NEB: variants seen among roughly 807,000 people sequenced by gnomAD.
NEB encodes nemaline myopathy type 2.
Under a neutral mutation model 952.2 loss-of-function variants are expected in NEB, and 512 were observed. The observed-to-expected ratio is 0.54, with a 90% CI of 0.50 to 0.58. The LOEUF (loss-of-function observed/expected upper bound fraction) is 0.58. NEB is among the 20% of genes least tolerant of loss of function. NEB has a pLI of 0.00. For missense variants in NEB, 8,428 were observed against 9,231.1 expected (o/e 0.91, Z 3.56); for synonymous variants, 2,900 against 3,149.8 (o/e 0.92, Z 2.66).
intron 127 of NEB, among the ~76,000 whole-genome samples, chr2:151,553,110 A>G (rs2095433195): frequency 6.6e-6 from 1 of 152,242 alleles, no homozygotes; most frequent in Admixed American, 6.5e-5. Context: ...ACACTTTCCT[A>G]AAATGACAAT....
Position 151,553,414 on chromosome 2 carries a change from TAA to T in NEB, c.19713_19714del (p.Tyr6572Ter). On this transcript the variant is annotated frameshift_variant, in exon 127 of 182. Coordinates refer to ENST00000397345, the MANE Select transcript of NEB (RefSeq NM_001164508.2). LOFTEE classifies it high-confidence loss of function. Reference sequence around the variant, plus strand: ...CAAACTCACATCATCACGTAGATCATAAGCATGCTTGGCATGGAGGATTTCAG... The same window carrying T: ...CAAACTCACATCATCACGTAGATCATGCATGCTTGGCATGGAGGATTTCAG... 6.2e-7 allele frequency: 1 copy of T among 1,612,878 alleles called. No individual in the cohort carries two copies. Among genetic ancestry groups the T allele is most frequent in the African/African-American group, 1.3e-5 (1 of 75,018 alleles).
rs111610504 is a variant in NEB at position 151,708,706 on chromosome 2, G to A, written c.1035+950C>T. ...GTCGACTGACCTCTGACACTTCCAT[G>A]TGGATGTCTAAAAGGCATCTCAAAT... On this transcript the variant is annotated intron_variant, in intron 12 of 181. Coordinates refer to ENST00000397345, the MANE Select transcript of NEB (RefSeq NM_001164508.2). Among the ~76,000 whole-genome samples, 464 of 152,300 alleles carry A rather than the reference G, an allele frequency of 3.0e-3. 2 individuals carry two copies. Among genetic ancestry groups the A allele is most frequent in the African/African-American group, 0.01 (433 of 41,576 alleles).
intron 150 of NEB, 110 bp downstream of exon 150, chr2:151,525,848 G>A: frequency 1.2e-6 from 1 of 836,134 alleles, no homozygotes. Context: ...AGATATTGAT[G>A]GTAAGAGTGA....
intron 29 of NEB, among the ~76,000 whole-genome samples, chr2:151,682,374 T>C (rs2099423127): frequency 6.6e-6 from 1 of 152,246 alleles, no homozygotes; most frequent in African/African-American, 2.4e-5. Context: ...TTGTTAAAAA[T>C]ATTTCTATAA....
chr2:151,721,703 G>A (rs2099774650), intron 9 of NEB, among the ~76,000 whole-genome samples: 1 of 152,176 alleles, frequency 6.6e-6, no homozygotes. Context: ...TATCCTGCCA[G>A]GTGTGCATGC....
At chr2:151,545,100 G>C (rs1233202382) in intron 135 of NEB, among the ~76,000 whole-genome samples, 3 of 152,202 alleles carry the variant, frequency 2.0e-5, no homozygotes, top group Non-Finnish European at 4.4e-5. Context: ...AATATATCAG[G>C]AGCCTCAATG....
At position 151,533,279 on chromosome 2, in the gene NEB, T is replaced by G. The variant is rs2092229948; in HGVS notation, c.21417+163A>C. ...CGGATGACCACTGTCCCATCACCTTTGGCCACATTCAGAGATCATTTACAA... is the reference window on the plus strand; with the variant it reads ...CGGATGACCACTGTCCCATCACCTTGGGCCACATTCAGAGATCATTTACAA... On this transcript the variant is annotated intron_variant, in intron 143 of 181. Transcript: ENST00000397345. 2.0e-5 allele frequency among the ~76,000 whole-genome samples: 3 copies of G among 152,236 alleles called. No individual in the cohort carries two copies. The South Asian group carries it at 6.2e-4, about 31-fold the overall frequency.
intron 48 of NEB, among the ~76,000 whole-genome samples, chr2:151,656,822 A>T (rs2099090204): frequency 6.6e-6 from 1 of 150,422 alleles, no homozygotes; most frequent in African/African-American, 2.5e-5. Flanking sequence ...AGAGGCCTTT[A>T]GTAGGTAAAA....
rs1407944346 is a variant in NEB, at chr2:151,576,146, C to T, written c.16908+5G>A. On this transcript the variant is annotated splice_donor_5th_base_variant and intron_variant, in intron 106 of 181. Coordinates refer to ENST00000397345, the MANE Select transcript of NEB (RefSeq NM_001164508.2). ...TTCAATTTTAATAGAGAAAAACTAA[C>T]TCACAATACTAATATTTTCAGCATT... 2 of 1,574,582 alleles carry T rather than the reference C, an allele frequency of 1.3e-6. No individual in the cohort carries two copies. The highest frequency in any genetic ancestry group is 1.7e-6 in the Non-Finnish European group (2 of 1,154,570).
intron 9 of NEB, among the ~76,000 whole-genome samples, chr2:151,719,388 A>C (rs2099768053): frequency 6.6e-6 from 1 of 152,180 alleles, no homozygotes; most frequent in South Asian, 2.1e-4. Context: ...CAGTGTTCTT[A>C]TTTATCAAGT....
In NEB at chr2:151,551,821, G is replaced by A. The variant is rs1559832482; in HGVS notation, c.19861C>T (p.His6621Tyr). 11 of 1,613,000 alleles carry A rather than the reference G, an allele frequency of 6.8e-6. No individual in the cohort carries two copies. The highest frequency in any genetic ancestry group is 1.7e-5 in the Admixed American group (1 of 59,918). ...SDAVYHYDYV[H>Y]SVRGKVAPTT... is the part of the protein sequence containing the mutation. ...GGAGCCACTTTGCCTCTGACACTGT[G>A]CACATAGTCATAGTGGTAGACAGCC... The change falls in exon 129 of 182, where the codon CAC (histidine) becomes TAC (tyrosine). Residue 6621 changes from histidine (H) to tyrosine (Y), a missense_variant. Around this residue, in one of 11 missense-constraint regions of NEB, gnomAD observed 3,374 missense variants for 3,651.5 expected, o/e 0.92. Transcript: ENST00000397345.
Position 151,617,418 on chromosome 2 carries a change from C to T in NEB, c.11127G>A (p.Met3709Ile), listed in dbSNP as rs1443216063. The T allele has an allele frequency of 1.3e-6, 2 of 1,562,142 alleles. No individual in the cohort carries two copies. ...CTAACATGATTTCTGGTGTATCAGG[C>T]ATGACATGAATAGTTTTCTTGTCAT... is the stretch of plus-strand genomic sequence containing the variant. ...WDNDKKTIHV[M>I]PDTPEIMLAK... The change falls in exon 75 of 182, where the codon ATG becomes ATA. Residue 3709 changes from methionine (M) to isoleucine (I), a missense_variant. Met to Ile is a conservative substitution (Grantham distance 10). Transcript: ENST00000397345.
chr2:151,510,854 T>C (rs1482195031), intron 161 of NEB, among the ~76,000 whole-genome samples: 2 of 152,248 alleles, frequency 1.3e-5, no homozygotes, highest in South Asian at 2.1e-4. Context: ...TGAGTCAGCT[T>C]ACATTGCTTG....
chr2:151,665,383 C>T lies in NEB; in HGVS notation c.5188G>A (p.Asp1730Asn). 6.2e-7 allele frequency: 1 copy of T among 1,613,670 alleles called. No homozygotes were observed. The highest frequency in any genetic ancestry group is 2.2e-5 in the East Asian group (1 of 44,870). The change falls in exon 42 of 182, where the codon GAC becomes AAC. Residue 1730 changes from aspartate to asparagine, a missense_variant. By Grantham distance (23) the Asp-to-Asn change is conservative. This residue lies in a region of NEB where 2,851 missense variants were observed against 2,791.5 expected (regional missense o/e 1.02). Coordinates refer to ENST00000397345, the MANE Select transcript of NEB (RefSeq NM_001164508.2). ...PEKLKFTYAM[D>N]TMEQALNKSN... ...TTGTTAAGTGCCTGTTCCATTGTGT[C>T]CATGGCGTAAGTGAACTTCAGCTTC... is the stretch of plus-strand genomic sequence containing the variant.
chr2:151,663,496 A>C, intron 45 of NEB, 52 bp downstream of exon 45: 1 of 1,509,580 alleles, frequency 6.6e-7, no homozygotes, highest in Non-Finnish European at 9.0e-7. Flanking sequence ...ATGGTCACTC[A>C]TGGTTGCTTA....
At chr2:151,512,132 G>A (rs575985689) in intron 161 of NEB, among the ~76,000 whole-genome samples, 5 of 145,480 alleles carry the variant, frequency 3.4e-5, no homozygotes, top group Non-Finnish European at 6.0e-5. Flanking sequence ...CCGGGTTCAC[G>A]CCATTCTCCT....
intron 105 of NEB, among the ~76,000 whole-genome samples, chr2:151,578,554 G>A (rs1443829769): frequency 1.3e-5 from 2 of 151,704 alleles, no homozygotes; most frequent in African/African-American, 4.8e-5. Flanking sequence ...CCAGCTACTT[G>A]GGAGGCTGAG....
chr2:151,511,812 A>G (rs1440797266), intron 161 of NEB, among the ~76,000 whole-genome samples: 6 of 152,310 alleles, frequency 3.9e-5, no homozygotes, highest in African/African-American at 1.4e-4. Context: ...GTGTGGTCTC[A>G]ATCTCAGTCT....
At position 151,697,519 on chromosome 2, in the gene NEB, A is replaced by G. The variant is rs752021639; in HGVS notation, c.1257+25T>C. ...AAATAATGGGTTCTTTTTTTAACAG[A>G]AAGAGTGACAGTAGGATTGCTTACA... On this transcript the variant is annotated intron_variant, in intron 14 of 181. Coordinates refer to ENST00000397345, the MANE Select transcript of NEB (RefSeq NM_001164508.2). 17 of 1,607,758 alleles carry G rather than the reference A, an allele frequency of 1.1e-5. No individual in the cohort carries two copies. In the South Asian group the frequency reaches 1.7e-4, roughly 16 times the overall value.
Sources: gnomAD v4.1 joint callset for allele counts (sites outside exome capture counted in the v4.1 genomes callset) on GRCh38, gnomAD v4.1.1 for gene constraint, gnomAD v4.1.1 regional missense constraint, MANE v1.5 for transcripts, NCBI Gene and HGNC (gene_info 2026-07-23, HGNC 2026-07-21) for gene names.